Variants in GLS observed in about 807,000 individuals in gnomAD.
The protein encoded by GLS is glutaminase.
GLS carries 36 observed loss-of-function variants against 86.7 expected under a neutral mutation model. The observed-to-expected ratio is 0.42, with a 90% CI of 0.32 to 0.55. GLS has a LOEUF of 0.55. Ranked by LOEUF, GLS falls within the 20% of genes least tolerant of loss-of-function variation. GLS has a pLI of 0.17. For missense variants in GLS, 528 were observed against 833.4 expected (o/e 0.63, Z 4.51); for synonymous variants, 317 against 305.9 (o/e 1.04, Z -0.38).
rs953889876 is a variant in GLS, at chr2:190,965,139, G to T, written c.*2153G>T. The T allele has an allele frequency of 3.3e-5, 5 of 152,500 alleles. No homozygotes were observed. Among genetic ancestry groups the T allele is most frequent in the Non-Finnish European group, 7.4e-5 (5 of 68,014 alleles). The allele number at this position is 152,500 out of a possible 1,614,324, so 9.4% of individuals were successfully genotyped here. A position where few individuals can be genotyped will look rare whatever the true frequency, so the allele number is the denominator to read the frequency against. On this transcript the variant is annotated 3_prime_UTR_variant, in exon 18 of 18. Coordinates refer to ENST00000320717, the MANE Select transcript of GLS (RefSeq NM_014905.5). This position sits in a 1 kb window ranked among gnomAD's most constrained non-coding sequence, Gnocchi z 5.0. ...ACTGCTGCCGTCAGTAAACTCCAAA[G>T]ATCTTTTTGTTTTGGCTTTAGTATC...
rs576080917 is a variant in GLS, at chr2:190,953,920, CCT to C, written c.1712+295_1712+296del. Among the ~76,000 whole-genome samples the C allele has an allele frequency of 2.3e-3, 343 of 149,120 alleles. No individual in the cohort carries two copies. The highest frequency in any genetic ancestry group is 5.3e-3 in the South Asian group (25 of 4,698). ...GGAATTGGACAGTGCCTTCTCACTCCCTGTCTACCCTCCATTCCCAATCTTTG... is the reference window on the plus strand; with the variant it reads ...GGAATTGGACAGTGCCTTCTCACTCCGTCTACCCTCCATTCCCAATCTTTG... On this transcript the variant is annotated intron_variant, in intron 15 of 17. Transcript: ENST00000320717. This position sits in a 1 kb window ranked among gnomAD's most constrained non-coding sequence, Gnocchi z 4.0.
In GLS at chr2:190,964,026, A is replaced by G. The variant is rs907309187; in HGVS notation, c.*1040A>G. The G allele has an allele frequency of 6.6e-6, 1 of 152,126 alleles. No individual in the cohort carries two copies. Among genetic ancestry groups the G allele is most frequent in the Non-Finnish European group, 1.5e-5 (1 of 68,024 alleles). 9.4% of individuals were successfully genotyped at this position (152,126 alleles called of 1,614,324 possible). A position where few individuals can be genotyped will look rare whatever the true frequency, so the allele number is the denominator to read the frequency against. On this transcript the variant is annotated 3_prime_UTR_variant, in exon 18 of 18. Coordinates refer to ENST00000320717, the MANE Select transcript of GLS (RefSeq NM_014905.5). The surrounding 1 kb of genome is among the most constrained non-coding windows in gnomAD (Gnocchi z 5.2). Reference sequence around the variant, plus strand: ...ATTTGTTTCCAAGCCTGTCATTAAGAGTCTGCATCAAGAGATTTGTCCTCC... The same window carrying G: ...ATTTGTTTCCAAGCCTGTCATTAAGGGTCTGCATCAAGAGATTTGTCCTCC...
intron 14 of GLS, among the ~76,000 whole-genome samples, chr2:190,948,250 T>C (rs752514449): frequency 6.6e-6 from 1 of 152,192 alleles, no homozygotes; most frequent in Non-Finnish European, 1.5e-5. Flanking sequence ...CAAACTTCCA[T>C]GTTAGTCTTT....
At position 190,924,036 on chromosome 2, in the gene GLS, A is replaced by T; in HGVS notation, c.1197+53A>T. The T allele has an allele frequency of 1.1e-6, 1 of 878,412 alleles. No homozygotes were observed. Among genetic ancestry groups the T allele is most frequent in the Non-Finnish European group, 1.9e-6 (1 of 536,226 alleles). 54.4% of individuals were successfully genotyped at this position (878,412 alleles called of 1,614,324 possible). ...ATTATTCTTTCATTTAATAAAATACATGAAGATGTATGCTAAGAATTCAAC... is the reference window on the plus strand; with the variant it reads ...ATTATTCTTTCATTTAATAAAATACTTGAAGATGTATGCTAAGAATTCAAC... On this transcript the variant is annotated intron_variant, in intron 10 of 17. Transcript: ENST00000320717. The surrounding 1 kb of genome is among the most constrained non-coding windows in gnomAD (Gnocchi z 5.2).
In GLS at chr2:190,963,078, A is replaced by G. The variant is rs1412101078; in HGVS notation, c.*92A>G. ...GTGTATTTCTATCTGGTAGTGATGT[A>G]TATTTTACATTTGTCATTTCAGTGT... On this transcript the variant is annotated 3_prime_UTR_variant, in exon 18 of 18. Coordinates refer to ENST00000320717, the MANE Select transcript of GLS (RefSeq NM_014905.5). The G allele has an allele frequency of 7.9e-6, 7 of 882,532 alleles. No individual in the cohort carries two copies. Among genetic ancestry groups the G allele is most frequent in the Non-Finnish European group, 1.0e-5 (6 of 587,296 alleles). 54.7% of individuals were successfully genotyped at this position (882,532 alleles called of 1,614,324 possible).
rs1690864399 is a variant in GLS, at chr2:190,956,498, A to T, written c.1853+1680A>T. Among the ~76,000 whole-genome samples the T allele has an allele frequency of 1.3e-5, 2 of 152,106 alleles. No individual in the cohort carries two copies. The highest frequency in any genetic ancestry group is 4.8e-5 in the African/African-American group (2 of 41,412). ...GTATCAGTACCATACTGTTTTGATT[A>T]CTGTAGCCTTGTAGTATAGTTTGAA... On this transcript the variant is annotated intron_variant, in intron 17 of 17. Transcript: ENST00000320717. This position sits in a 1 kb window ranked among gnomAD's most constrained non-coding sequence, Gnocchi z 4.2.
At chr2:190,904,414 A>G (rs1007178035) in intron 5 of GLS, among the ~76,000 whole-genome samples, 4 of 152,152 alleles carry the variant, frequency 2.6e-5, no homozygotes, top group African/African-American at 4.8e-5. Context: ...TCCACATTAC[A>G]TATTTATTAT....
chr2:190,886,762 A>G (rs1037331941), intron 1 of GLS, among the ~76,000 whole-genome samples: 18 of 152,046 alleles, frequency 1.2e-4, no homozygotes, highest in Non-Finnish European at 4.4e-5. Flanking sequence ...CTAAAAATAC[A>G]AAAATTAGCC....
intron 11 of GLS, among the ~76,000 whole-genome samples, chr2:190,926,049 C>T (rs1689885290): frequency 6.6e-6 from 1 of 152,012 alleles, no homozygotes; most frequent in African/African-American, 2.4e-5. Flanking sequence ...TTCTATACTT[C>T]ATTGCAAAAA....
rs60448023 is a variant in GLS, at chr2:190,957,951, T to C, written c.1853+3133T>C. 2.4e-3 allele frequency among the ~76,000 whole-genome samples: 363 copies of C among 152,348 alleles called. 2 individuals are homozygous for C. Among genetic ancestry groups the C allele is most frequent in the African/African-American group, 8.0e-3 (334 of 41,588 alleles). On this transcript the variant is annotated intron_variant, in intron 17 of 17. Coordinates refer to ENST00000320717, the MANE Select transcript of GLS (RefSeq NM_014905.5). The stretch of plus-strand genomic sequence containing the variant: ...TGAGTTAGGGAGGATTCCTTCTTTT[T>C]CTATTGTTTGGAATAGATTCAGAAG...
Position 190,914,164 on chromosome 2 carries a change from T to G in GLS, c.1038+3843T>G, listed in dbSNP as rs1689448015. Among the ~76,000 whole-genome samples the G allele has an allele frequency of 6.6e-6, 1 of 152,320 alleles. No homozygotes were observed. The highest frequency in any genetic ancestry group is 2.1e-4 in the South Asian group (1 of 4,830). ...CAATTTTCTTTTTAATCAAAAGTAT[T>G]TTTGAATTTTAAAAATTAGGGTTTT... On this transcript the variant is annotated intron_variant, in intron 7 of 17. Coordinates refer to ENST00000320717, the MANE Select transcript of GLS (RefSeq NM_014905.5). The surrounding 1 kb of genome is among the most constrained non-coding windows in gnomAD (Gnocchi z 4.4).
Position 190,956,439 on chromosome 2 carries a change from C to T in GLS, c.1853+1621C>T, listed in dbSNP as rs192640701. ...ATGTGTGCTGTTATTTCTGAGGCCTCAGTTCTTTTCCATTGCTCTGTGTAT... is the reference window on the plus strand; with the variant it reads ...ATGTGTGCTGTTATTTCTGAGGCCTTAGTTCTTTTCCATTGCTCTGTGTAT... On this transcript the variant is annotated intron_variant, in intron 17 of 17. Transcript: ENST00000320717. The surrounding 1 kb of genome is among the most constrained non-coding windows in gnomAD (Gnocchi z 4.2). Among the ~76,000 whole-genome samples the T allele has an allele frequency of 6.6e-6, 1 of 152,248 alleles. No individual in the cohort carries two copies. The highest frequency in any genetic ancestry group is 6.5e-5 in the Admixed American group (1 of 15,286).
chr2:190,951,720 A>G lies in GLS; in HGVS notation c.1651-1845A>G, dbSNP rs1432461381. On this transcript the variant is annotated intron_variant, in intron 14 of 17. Coordinates refer to ENST00000320717, the MANE Select transcript of GLS (RefSeq NM_014905.5). This position sits in a 1 kb window ranked among gnomAD's most constrained non-coding sequence, Gnocchi z 4.2. ...AACCAACAAGAAAAAAAAATTGTCA[A>G]GCAGTAATGAGAGACCAGGTGGAAA... 5.9e-5 allele frequency among the ~76,000 whole-genome samples: 9 copies of G among 152,196 alleles called. No individual in the cohort carries two copies. Among genetic ancestry groups the G allele is most frequent in the Admixed American group, 6.5e-5 (1 of 15,278 alleles).
intron 6 of GLS, among the ~76,000 whole-genome samples, chr2:190,906,590 T>C (rs1038188249): frequency 1.3e-5 from 2 of 152,170 alleles, no homozygotes; most frequent in African/African-American, 4.8e-5. Context: ...TCGATATTCA[T>C]AGACGTTTTC....
At position 190,898,918 on chromosome 2, in the gene GLS, G is replaced by A. The variant is rs79333831; in HGVS notation, c.606-1646G>A. On this transcript the variant is annotated intron_variant, in intron 3 of 17. Coordinates refer to ENST00000320717, the MANE Select transcript of GLS (RefSeq NM_014905.5). Reference sequence around the variant, plus strand: ...GCTGGGATTATAGGCGTGAGCCACCGTGCCTGGCTAATTATAAATTCTTTT... The same window carrying A: ...GCTGGGATTATAGGCGTGAGCCACCATGCCTGGCTAATTATAAATTCTTTT... 1.2e-3 allele frequency among the ~76,000 whole-genome samples: 187 copies of A among 152,284 alleles called. 4 individuals are homozygous for A. In the East Asian group the frequency reaches 0.034, roughly 28 times the overall value.
rs555024858 is a variant in GLS at position 190,949,691 on chromosome 2, CA to C, written c.1651-3866del. On this transcript the variant is annotated intron_variant, in intron 14 of 17. Transcript: ENST00000320717. This position sits in a 1 kb window ranked among gnomAD's most constrained non-coding sequence, Gnocchi z 4.0. ...TGGGTGACAGAGCGAGACCTTGTCT[CA>C]AAAAAAATAAAATGCAGGGTTGGGG... Among the ~76,000 whole-genome samples the C allele has an allele frequency of 2.6e-5, 4 of 151,108 alleles. No individual in the cohort carries two copies. The highest frequency in any genetic ancestry group is 4.9e-5 in the African/African-American group (2 of 41,112).
chr2:190,902,424 A>T (rs1266413190), intron 5 of GLS, among the ~76,000 whole-genome samples: 2 of 152,182 alleles, frequency 1.3e-5, no homozygotes, highest in African/African-American at 4.8e-5. Context: ...GTTCCTGATA[A>T]AATTAGCATG....
chr2:190,948,286 G>C (rs1229063492), intron 14 of GLS, among the ~76,000 whole-genome samples: 1 of 152,064 alleles, frequency 6.6e-6, no homozygotes, highest in African/African-American at 2.4e-5. Flanking sequence ...GCGAGCTAGT[G>C]TTTTTCCCTT....
intron 14 of GLS, among the ~76,000 whole-genome samples, chr2:190,937,999 A>G (rs888866821): frequency 6.6e-6 from 1 of 151,350 alleles, no homozygotes; most frequent in African/African-American, 2.4e-5. Flanking sequence ...TCTGTCGGTT[A>G]ATCTTGTAAC....
Sources: gnomAD v4.1 joint callset for allele counts (sites outside exome capture counted in the v4.1 genomes callset) on GRCh38, gnomAD v4.1.1 for gene constraint, Gnocchi (gnomAD v3.1) non-coding constraint, MANE v1.5 for transcripts, NCBI Gene and HGNC (gene_info 2026-07-23, HGNC 2026-07-21) for gene names.